The following RAP1GAP variants were observed in gnomAD, a reference collection of about 807,000 sequenced individuals.
The protein encoded by RAP1GAP is rap1 GTPase-activating protein 1.
In RAP1GAP, 35 loss-of-function variants were observed where a neutral mutation model predicts 87.2. The ratio of observed to expected loss-of-function variants is 0.40; its 90% CI spans 0.31 to 0.53. The LOEUF (loss-of-function observed/expected upper bound fraction) is 0.53, where lower values mean the gene tolerates loss of function less well. Among genes scored for constraint, RAP1GAP ranks in the 20% least tolerant of loss-of-function variants. RAP1GAP has a pLI of 0.48. For synonymous variants in RAP1GAP, 375 were observed against 363.9 expected (o/e 1.03, Z -0.35); for missense variants, 734 against 898.9 (o/e 0.82, Z 2.35).
In RAP1GAP at chr1:21,669,255, C is replaced by T; in HGVS notation, c.-150G>A. On this transcript the variant is annotated splice_region_variant and 5_prime_UTR_variant, in exon 1 of 25. Transcript: ENST00000374765. This position sits in a 1 kb window ranked among gnomAD's most constrained non-coding sequence, Gnocchi z 5.6. The stretch of plus-strand genomic sequence containing the variant: ...GCAGCCCTGGCGGGGCGCACTCACC[C>T]AAGGGCCTGGGCCGGGGGCGTCCTG... 1 of 1,248,346 alleles carries T rather than the reference C, an allele frequency of 8.0e-7. No homozygotes were observed. Among genetic ancestry groups the T allele is most frequent in the Non-Finnish European group, 1.0e-6 (1 of 971,728 alleles). The allele number at this position is 1,248,346 out of a possible 1,614,324, so 77.3% of individuals were successfully genotyped here. A position where few individuals can be genotyped will look rare whatever the true frequency, so the allele number is the denominator to read the frequency against.
At position 21,622,698 on chromosome 1, in the gene RAP1GAP, C is replaced by G. The variant is rs868334256; in HGVS notation, c.-18-2648G>C. 54 of 151,240 alleles carry G rather than the reference C, an allele frequency of 3.6e-4. No individual in the cohort carries two copies. The highest frequency in any genetic ancestry group is 1.2e-3 in the African/African-American group (51 of 41,408). 9.4% of individuals were successfully genotyped at this position (151,240 alleles called of 1,614,324 possible). ...CCCGGGACACCGCGCCTGCGCGTTCCGGCCCGAGCGCTAGAAGCTTTGGGT... is the reference window on the plus strand; with the variant it reads ...CCCGGGACACCGCGCCTGCGCGTTCGGGCCCGAGCGCTAGAAGCTTTGGGT... On this transcript the variant is annotated intron_variant, in intron 3 of 24. Transcript: ENST00000374765. This position sits in a 1 kb window ranked among gnomAD's most constrained non-coding sequence, Gnocchi z 5.7.
At chr1:21,602,767 A>G (rs829368) in intron 19 of RAP1GAP, 37 bp downstream of exon 19, 1,402,058 of 1,545,314 alleles carry the variant, frequency 0.91, 636,505 homozygotes, top group East Asian at 0.97. Context: ...AGGGATGGGG[A>G]TGCAGGGGAA....
chr1:21,612,965 G>A (rs192803894), intron 10 of RAP1GAP: 4 of 595,050 alleles, frequency 6.7e-6, no homozygotes, highest in East Asian at 2.8e-5. Context: ...AGGCTTAAAC[G>A]CAGGCCCTCC....
At position 21,609,488 on chromosome 1, in the gene RAP1GAP, G is replaced by A; in HGVS notation, c.1071+87C>T. On this transcript the variant is annotated intron_variant, in intron 15 of 24. Transcript: ENST00000374765. The surrounding 1 kb of genome is among the most constrained non-coding windows in gnomAD (Gnocchi z 4.4). ...TGCCCTGGCATACAATGAGACTTTGGGACCTCATAAGGCAGAATGTGTATG... is the reference window on the plus strand; with the variant it reads ...TGCCCTGGCATACAATGAGACTTTGAGACCTCATAAGGCAGAATGTGTATG... 1 of 761,524 alleles carries A rather than the reference G, an allele frequency of 1.3e-6. No homozygotes were observed. Among genetic ancestry groups the A allele is most frequent in the Non-Finnish European group, 2.0e-6 (1 of 507,146 alleles). The allele number at this position is 761,524 out of a possible 1,614,324, so 47.2% of individuals were successfully genotyped here.
Position 21,609,927 on chromosome 1 carries a change from G to C in RAP1GAP, c.999+193C>G, listed in dbSNP as rs568892784. ...TGATACCAGGCCAGGAGGCAGAGGA[G>C]GGAAACTGTCCTCTCTGAGGGGGTG... On this transcript the variant is annotated intron_variant, in intron 14 of 24. Coordinates refer to ENST00000374765, the MANE Select transcript of RAP1GAP (RefSeq NM_002885.4). This position sits in a 1 kb window ranked among gnomAD's most constrained non-coding sequence, Gnocchi z 4.4. Among the ~76,000 whole-genome samples, 1 of 152,318 alleles carries C rather than the reference G, an allele frequency of 6.6e-6. No homozygotes were observed. Among genetic ancestry groups the C allele is most frequent in the South Asian group, 2.1e-4 (1 of 4,832 alleles).
At chr1:21,606,020 G>GC (rs1278326402) in intron 18 of RAP1GAP, 46 bp downstream of exon 18, 6 of 1,541,030 alleles carry the variant, frequency 3.9e-6, no homozygotes, top group Non-Finnish European at 3.5e-6. Flanking sequence ...AGAGCTGAGG[G>GC]CCCCCCAGGG....
chr1:21,606,531 C>T (rs888869812), intron 17 of RAP1GAP, among the ~76,000 whole-genome samples: 2 of 152,226 alleles, frequency 1.3e-5, no homozygotes, highest in African/African-American at 4.8e-5. Flanking sequence ...TGAGTGTCCT[C>T]ATGTGGCTGC....
In RAP1GAP at chr1:21,608,219, A is replaced by G. The variant is rs967418426; in HGVS notation, c.1290T>C (p.Ser430=). Residue 430 remains serine, a synonymous_variant, in exon 17 of 25, where the codon TCT becomes TCC. Transcript: ENST00000374765. ...TAGACCTGGGGCCCTTCACCTTGAA[A>G]GACTCAAAGAAGCCGCCGCCCCCAC... ...NGSGGGGFFE[S]FKRVIRSRSQ... is the part of the protein sequence containing the mutation. 14 of 1,613,824 alleles carry G rather than the reference A, an allele frequency of 8.7e-6. No homozygotes were observed. Among genetic ancestry groups the G allele is most frequent in the Non-Finnish European group, 9.3e-6 (11 of 1,179,924 alleles).
intron 1 of RAP1GAP, among the ~76,000 whole-genome samples, chr1:21,656,082 C>T (rs1337763106): frequency 3.3e-5 from 5 of 152,218 alleles, no homozygotes; most frequent in South Asian, 2.1e-4. Context: ...CAGTTTTCCT[C>T]GCTGGGCCTC....
intron 2 of RAP1GAP, among the ~76,000 whole-genome samples, chr1:21,642,926 C>G (rs2095658966): frequency 6.9e-6 from 1 of 145,718 alleles, no homozygotes; most frequent in Admixed American, 6.8e-5. Flanking sequence ...TGCCACTTGG[C>G]CCACTTCAAC....
intron 2 of RAP1GAP, among the ~76,000 whole-genome samples, chr1:21,629,943 C>T (rs913673217): frequency 3.3e-5 from 5 of 152,194 alleles, no homozygotes; most frequent in African/African-American, 7.2e-5. Flanking sequence ...CAGAGCCTTA[C>T]GACTTCCAGC....
chr1:21,618,106 G>C (rs1248524533), intron 5 of RAP1GAP, 134 bp from the exon 6 acceptor site: 12 of 1,047,842 alleles, frequency 1.1e-5, no homozygotes, highest in Non-Finnish European at 1.5e-5. Flanking sequence ...TTACAGATGG[G>C]CAGGGGCTGA....
Position 21,612,124 on chromosome 1 carries a change from G to C in RAP1GAP, c.529-15C>G, listed in dbSNP as rs369556995. On this transcript the variant is annotated splice_polypyrimidine_tract_variant and intron_variant, in intron 10 of 24. Transcript: ENST00000374765. ...AGCCGGGAAGCCTGCAGGAGAGGAC[G>C]CCGGGTGAAGAGGCTGCGTGTGCAA... 1 of 1,536,870 alleles carries C rather than the reference G, an allele frequency of 6.5e-7. No individual in the cohort carries two copies. Among genetic ancestry groups the C allele is most frequent in the African/African-American group, 1.4e-5 (1 of 72,844 alleles).
chr1:21,599,691 C>G, intron 20 of RAP1GAP, 74 bp from the exon 21 acceptor site: 1 of 1,540,152 alleles, frequency 6.5e-7, no homozygotes, highest in Non-Finnish European at 8.7e-7. Flanking sequence ...CTCCCTTGCC[C>G]TCCCCAACCC....
At chr1:21,636,911 A>G (rs1297907706) in intron 2 of RAP1GAP, among the ~76,000 whole-genome samples, 1 of 104,016 alleles carries the variant, frequency 9.6e-6, no homozygotes, top group Non-Finnish European at 1.8e-5. Context: ...GAGGGAAGGA[A>G]GGAAGGGAGG....
At chr1:21,600,507 T>C (rs898068067) in intron 20 of RAP1GAP, among the ~76,000 whole-genome samples, 1 of 152,136 alleles carries the variant, frequency 6.6e-6, no homozygotes. Flanking sequence ...CCAGCCTCTT[T>C]GTACAGCAAC....
intron 2 of RAP1GAP, among the ~76,000 whole-genome samples, chr1:21,640,091 C>T (rs1558826451): frequency 1.3e-5 from 2 of 148,704 alleles, no homozygotes; most frequent in South Asian, 4.3e-4. Flanking sequence ...TGGCCTCATC[C>T]AGGGCTTCTT....
At position 21,622,472 on chromosome 1, in the gene RAP1GAP, T is replaced by A; in HGVS notation, c.-18-2422A>T. On this transcript the variant is annotated intron_variant, in intron 3 of 24. Coordinates refer to ENST00000374765, the MANE Select transcript of RAP1GAP (RefSeq NM_002885.4). This position sits in a 1 kb window ranked among gnomAD's most constrained non-coding sequence, Gnocchi z 5.7. ...CGGCACTTCAGCTGGCCCAGCCGGC[T>A]CCTGGCCCGCGCGCGCCCGGGTCCG... 1 of 168,522 alleles carries A rather than the reference T, an allele frequency of 5.9e-6. No individual in the cohort carries two copies. The highest frequency in any genetic ancestry group is 1.2e-5 in the Non-Finnish European group (1 of 81,110). 10.4% of individuals were successfully genotyped at this position (168,522 alleles called of 1,614,324 possible). A position where few individuals can be genotyped will look rare whatever the true frequency, so the allele number is the denominator to read the frequency against.
chr1:21,620,527 C>A (rs2086289064), intron 3 of RAP1GAP, among the ~76,000 whole-genome samples: 1 of 126,276 alleles, frequency 7.9e-6, no homozygotes, highest in African/African-American at 3.1e-5. Context: ...GAAGAGGACA[C>A]TGGGATGCCC....
Sources: gnomAD v4.1 joint callset for allele counts (sites outside exome capture counted in the v4.1 genomes callset) on GRCh38, gnomAD v4.1.1 for gene constraint, Gnocchi (gnomAD v3.1) non-coding constraint, MANE v1.5 for transcripts, NCBI Gene and HGNC (gene_info 2026-07-23, HGNC 2026-07-21) for gene names.